Variants in GET4 observed in about 807,000 individuals in gnomAD.
GET4 encodes the protein Golgi to ER traffic protein 4 homolog.
A neutral mutation model predicts 40.0 loss-of-function variants in GET4; 20 were observed. The ratio of observed to expected loss-of-function variants is 0.50; its 90% CI spans 0.35 to 0.73. GET4 has a LOEUF of 0.73. Among genes scored for constraint, GET4 ranks in the 30% least tolerant of loss-of-function variants. The probability of loss-of-function intolerance (pLI) is 0.01; values close to 1 mark genes in which losing one functional copy is unlikely to be tolerated. For missense variants in GET4, 557 were observed against 454.0 expected, an observed-to-expected ratio of 1.23 and a Z score of -2.06; for synonymous variants, 280 against 194.6, an observed-to-expected ratio of 1.44 and a Z score of -3.65.
chr7:890,954 C>G lies in GET4; in HGVS notation c.493C>G (p.His165Asp). Residue 165 changes from histidine (H) to aspartate (D), a missense_variant, in exon 5 of 9, where the codon CAT becomes GAT. Coordinates refer to ENST00000265857, the MANE Select transcript of GET4 (RefSeq NM_015949.3). ...ACAAAACTATTGTGAGTCGAGGTAT[C>G]ATTTTCTGCACTCAGCGGACGGGGA... The part of the protein sequence containing the change: ...KEQNYCESRY[H>D]FLHSADGEGC... 1 of 1,607,712 alleles carries G rather than the reference C, an allele frequency of 6.2e-7. No homozygotes were observed. Among genetic ancestry groups the G allele is most frequent in the Non-Finnish European group, 8.5e-7 (1 of 1,174,400 alleles).
rs1006196465 is a variant in GET4 at position 878,702 on chromosome 7, T to C, written c.155+1902T>C. On this transcript the variant is annotated intron_variant, in intron 1 of 8. Transcript: ENST00000265857. Reference sequence around the variant, plus strand: ...CAAGCTATATTCTCCTGCCTCAGCCTCCTGAGTAGCTGGAATTACTGGCGC... The same window carrying C: ...CAAGCTATATTCTCCTGCCTCAGCCCCCTGAGTAGCTGGAATTACTGGCGC... Among the ~76,000 whole-genome samples the C allele has an allele frequency of 4.0e-5, 6 of 151,668 alleles. No homozygotes were observed. In the East Asian group the frequency reaches 5.8e-4, roughly 15 times the overall value.
chr7:876,678 G>C lies in GET4; in HGVS notation c.33G>C (p.Glu11Asp). The C allele has an allele frequency of 1.5e-6, 2 of 1,336,796 alleles. No homozygotes were observed. The highest frequency in any genetic ancestry group is 1.9e-6 in the Non-Finnish European group (2 of 1,031,132). 82.8% of individuals were successfully genotyped at this position (1,336,796 alleles called of 1,614,324 possible). A position where few individuals can be genotyped will look rare whatever the true frequency, so the allele number is the denominator to read the frequency against. ...CGGCGGCGGCGATGGCCGAGCAGGA[G>C]AGCGCCCGGAACGGCGGCCGCAACC... is the stretch of plus-strand genomic sequence containing the variant. MAAAAAMAEQ[E>D]SARNGGRNRG... The change falls in exon 1 of 9, where the codon GAG becomes GAC. Residue 11 changes from glutamate (E) to aspartate (D), a missense_variant. By Grantham distance (45) the Glu-to-Asp change is conservative. Coordinates refer to ENST00000265857, the MANE Select transcript of GET4 (RefSeq NM_015949.3).
intron 1 of GET4, chr7:884,308 G>C: frequency 7.7e-7 from 1 of 1,304,148 alleles, no homozygotes; most frequent in Non-Finnish European, 1.0e-6. Flanking sequence ...GGCCTCCTCT[G>C]AGTCAGTCAT....
intron 3 of GET4, chr7:887,119 C>T (rs559490662): frequency 1.7e-5 from 11 of 663,858 alleles, no homozygotes; most frequent in Middle Eastern, 2.4e-4. Flanking sequence ...CTCCAGCTCC[C>T]CACGGCACCT....
At chr7:889,757 G>C (rs1844276346) in intron 4 of GET4, among the ~76,000 whole-genome samples, 1 of 122,830 alleles carries the variant, frequency 8.1e-6, no homozygotes. Flanking sequence ...GGAGTGGAGG[G>C]AGCGCGAGCG....
Position 895,441 on chromosome 7 carries a change from A to T in GET4, c.*19A>T. The T allele has an allele frequency of 1.5e-6, 2 of 1,372,706 alleles. No individual in the cohort carries two copies. Among genetic ancestry groups the T allele is most frequent in the Non-Finnish European group, 2.1e-6 (2 of 967,454 alleles). 85.0% of individuals were successfully genotyped at this position (1,372,706 alleles called of 1,614,324 possible). On this transcript the variant is annotated 3_prime_UTR_variant, in exon 9 of 9. Coordinates refer to ENST00000265857, the MANE Select transcript of GET4 (RefSeq NM_015949.3). ...GGACTGAACTGGCCAGGCCACGTGG[A>T]GACACCACGGTCGACGACGGCTGGA...
At chr7:894,110 G>A (rs1447183608) in intron 8 of GET4, 139 bp downstream of exon 8, 2 of 587,160 alleles carry the variant, frequency 3.4e-6, no homozygotes, top group South Asian at 2.4e-5. Flanking sequence ...GTTTACTTTT[G>A]TTAGTAGGAA....
At chr7:886,821 T>C (rs1484376326) in intron 3 of GET4, among the ~76,000 whole-genome samples, 171 bp downstream of exon 3, 2 of 152,240 alleles carry the variant, frequency 1.3e-5, no homozygotes, top group African/African-American at 4.8e-5. Context: ...GCCCCCTGGC[T>C]GACCCTGGCG....
chr7:877,667 C>A, intron 1 of GET4, among the ~76,000 whole-genome samples: 1 of 134,756 alleles, frequency 7.4e-6, no homozygotes, highest in African/African-American at 2.9e-5. Context: ...CCTTCACCTG[C>A]TCCCCACCCC....
Position 892,417 on chromosome 7 carries a change from G to A in GET4, c.745G>A (p.Gly249Ser), listed in dbSNP as rs768922952. 9.5e-6 allele frequency: 15 copies of A among 1,586,124 alleles called. No homozygotes were observed. In the Admixed American group the frequency reaches 1.5e-4, roughly 16 times the overall value. ...FIWFLLLAVDGGKLTVFTVLC... is the reference protein window; with the variant it reads ...FIWFLLLAVDSGKLTVFTVLC... ...CTGGTTCCTGCTGCTGGCTGTGGAC[G>A]GGTGCGTCTTGGGATCCTGCAGGGG... The change falls in exon 6 of 9, where the codon GGT (glycine) becomes AGT (serine). Residue 249 changes from glycine to serine, a missense_variant and splice_region_variant. Physicochemically the swap from Gly to Ser is moderately conservative, Grantham distance 56. Transcript: ENST00000265857.
At chr7:894,098 C>G in intron 8 of GET4, 127 bp downstream of exon 8, 1 of 597,334 alleles carries the variant, frequency 1.7e-6, no homozygotes, top group African/African-American at 1.9e-5. Flanking sequence ...AAATGTTTCT[C>G]AGTTTACTTT....
At position 893,892 on chromosome 7, in the gene GET4, C is replaced by T; in HGVS notation, c.823-7C>T. The T allele has an allele frequency of 6.2e-7, 1 of 1,612,356 alleles. No homozygotes were observed. The highest frequency in any genetic ancestry group is 1.1e-5 in the South Asian group (1 of 91,042). ...CCCCCTCTGAGCCCGCTGCCTGTGC[C>T]TTGCAGTACCTCGACCGCATAGGAC... On this transcript the variant is annotated splice_region_variant and splice_polypyrimidine_tract_variant and intron_variant, in intron 7 of 8. Coordinates refer to ENST00000265857, the MANE Select transcript of GET4 (RefSeq NM_015949.3).
intron 1 of GET4, chr7:884,414 C>T (rs1203430224): frequency 1.6e-6 from 2 of 1,257,858 alleles, no homozygotes; most frequent in Admixed American, 2.4e-5. Flanking sequence ...CCTCCAGAAC[C>T]TTCACTGTGC....
chr7:886,800 C>T (rs1469292212), intron 3 of GET4, 150 bp downstream of exon 3: 3 of 639,364 alleles, frequency 4.7e-6, no homozygotes, highest in Non-Finnish European at 8.4e-6. Flanking sequence ...CACCCGGTCT[C>T]AGTGAGCCAG....
At chr7:879,355 C>T (rs1585487784) in intron 1 of GET4, among the ~76,000 whole-genome samples, 1 of 152,204 alleles carries the variant, frequency 6.6e-6, no homozygotes, top group Non-Finnish European at 1.5e-5. Context: ...GGAGTGGATG[C>T]CATTTCGTTG....
intron 1 of GET4, chr7:884,304 C>T (rs1844144443): frequency 3.1e-6 from 4 of 1,304,032 alleles, no homozygotes; most frequent in Non-Finnish European, 4.0e-6. Flanking sequence ...TCCCGGCCTC[C>T]TCTGAGTCAG....
Position 892,296 on chromosome 7 carries a change from C to G in GET4, c.624C>G (p.Asn208Lys), listed in dbSNP as rs150124099. 1.3e-5 allele frequency: 21 copies of G among 1,588,796 alleles called. No individual in the cohort carries two copies. The highest frequency in any genetic ancestry group is 1.8e-5 in the Non-Finnish European group (21 of 1,158,700). Residue 208 changes from asparagine (N) to lysine (K), a missense_variant, in exon 6 of 9, where the codon AAC becomes AAG. Physicochemically the swap from Asn to Lys is moderately conservative, Grantham distance 94. Coordinates refer to ENST00000265857, the MANE Select transcript of GET4 (RefSeq NM_015949.3). ...TTTCCAGGTTTCTCTGTTTAAAAAACAAAAGTAGCGCATCGGTGGTCTTCA... is the reference window on the plus strand; with the variant it reads ...TTTCCAGGTTTCTCTGTTTAAAAAAGAAAAGTAGCGCATCGGTGGTCTTCA... The part of the protein sequence containing the change: ...QAVLQFLCLK[N>K]KSSASVVFTT...
At chr7:883,507 A>G in intron 1 of GET4, 1 of 985,322 alleles carries the variant, frequency 1.0e-6, no homozygotes, top group African/African-American at 1.7e-5. Flanking sequence ...AATCAGCTAG[A>G]TTGTTTGCCC....
At position 892,392 on chromosome 7, in the gene GET4, C is replaced by T. The variant is rs1325158521; in HGVS notation, c.720C>T (p.Ile240=). ...TTGTGGAGCCGCTGCTTAACTTCAT[C>T]TGGTTCCTGCTGCTGGCTGTGGACG... ...PPFVEPLLNF[I]WFLLLAVDGG... Residue 240 remains isoleucine (I), a synonymous_variant, in exon 6 of 9, where the codon ATC becomes ATT. Transcript: ENST00000265857. 1.3e-6 allele frequency: 2 copies of T among 1,591,536 alleles called. No individual in the cohort carries two copies. The highest frequency in any genetic ancestry group is 1.7e-6 in the Non-Finnish European group (2 of 1,161,692).
Sources: gnomAD v4.1 joint callset for allele counts (sites outside exome capture counted in the v4.1 genomes callset) on GRCh38, gnomAD v4.1.1 for gene constraint, MANE v1.5 for transcripts, NCBI Gene and HGNC (gene_info 2026-07-23, HGNC 2026-07-21) for gene names.